SLC24A2: variants seen among roughly 807,000 people sequenced by gnomAD.
The protein encoded by SLC24A2 is solute carrier family 24 member 2, also known as sodium/potassium/calcium exchanger 2.
Under a neutral mutation model 62.0 loss-of-function variants are expected in SLC24A2, and 36 were observed. The ratio of observed to expected loss-of-function variants is 0.58; its 90% CI spans 0.44 to 0.77. SLC24A2 has a LOEUF of 0.77. Ranked by LOEUF, SLC24A2 falls within the 30% of genes least tolerant of loss-of-function variation. SLC24A2 has a pLI of 0.00. For synonymous variants in SLC24A2, 358 were observed against 294.0 expected, an observed-to-expected ratio of 1.22 and a Z score of -2.23; for missense variants, 846 against 817.9, an observed-to-expected ratio of 1.03 and a Z score of -0.42.
the SLC24A2 span, among the ~76,000 whole-genome samples, chr9:19,864,136 A>G: frequency 2.0e-5 from 3 of 152,066 alleles, no homozygotes; most frequent in African/African-American, 7.2e-5. Flanking sequence ...AACCATGAAG[A>G]AATCCAAAAC....
At chr9:20,089,212 C>T in the SLC24A2 span, among the ~76,000 whole-genome samples, 1 of 152,110 alleles carries the variant, frequency 6.6e-6, no homozygotes, top group African/African-American at 2.4e-5. Flanking sequence ...GTCTGGACCC[C>T]CAGCACAGAA....
chr9:19,879,598 A>G, the SLC24A2 span, among the ~76,000 whole-genome samples: 1 of 152,184 alleles, frequency 6.6e-6, no homozygotes, highest in African/African-American at 2.4e-5. Flanking sequence ...TAGTAGTATC[A>G]GAAAATATTC....
chr9:19,692,006 T>C (rs1334233140), intron 2 of SLC24A2, among the ~76,000 whole-genome samples: 1 of 152,166 alleles, frequency 6.6e-6, no homozygotes, highest in Non-Finnish European at 1.5e-5. Flanking sequence ...TGGTCAAATG[T>C]GGAGCTTTTA....
intron 2 of SLC24A2, among the ~76,000 whole-genome samples, chr9:19,691,537 C>A (rs187471578): frequency 3.0e-4 from 46 of 152,242 alleles, no homozygotes; most frequent in Non-Finnish European, 2.9e-5. Context: ...TGGGTTCTAT[C>A]TCTGCGATTA....
At chr9:19,719,780 G>T (rs917491362) in intron 2 of SLC24A2, among the ~76,000 whole-genome samples, 1 of 152,168 alleles carries the variant, frequency 6.6e-6, no homozygotes, top group African/African-American at 2.4e-5. Context: ...TTTATCTCAT[G>T]TTTTTATTTA....
intron 2 of SLC24A2, among the ~76,000 whole-genome samples, chr9:19,626,367 AT>A (rs1433000904): frequency 6.6e-6 from 1 of 152,222 alleles, no homozygotes; most frequent in East Asian, 1.9e-4. Flanking sequence ...CACATATCAA[AT>A]GGGTCACCAT....
At chr9:19,534,086 C>T (rs1408329692) in intron 8 of SLC24A2, among the ~76,000 whole-genome samples, 1 of 152,168 alleles carries the variant, frequency 6.6e-6, no homozygotes, top group Non-Finnish European at 1.5e-5. Flanking sequence ...AACCTTCTGA[C>T]CATTTATTCA....
At chr9:20,161,751 T>C in the SLC24A2 span, among the ~76,000 whole-genome samples, 2 of 109,226 alleles carry the variant, frequency 1.8e-5, no homozygotes, top group Non-Finnish European at 3.6e-5. Flanking sequence ...CATGAAAACA[T>C]GAAGATACAC....
the SLC24A2 span, among the ~76,000 whole-genome samples, chr9:19,811,625 T>C: frequency 5.3e-5 from 8 of 152,162 alleles, no homozygotes; most frequent in Non-Finnish European, 1.2e-4. Flanking sequence ...CTTTTATTTT[T>C]ACATTTATTT....
chr9:20,207,016 C>T, the SLC24A2 span, among the ~76,000 whole-genome samples: 1 of 152,120 alleles, frequency 6.6e-6, no homozygotes, highest in African/African-American at 2.4e-5. Flanking sequence ...CATGATTAAA[C>T]TCCTTGAGGG....
chr9:19,720,368 T>G (rs975816506), intron 2 of SLC24A2, among the ~76,000 whole-genome samples: 2 of 152,166 alleles, frequency 1.3e-5, no homozygotes, highest in African/African-American at 4.8e-5. Flanking sequence ...GACTTATTCT[T>G]AGAATCTACA....
chr9:20,289,343 C>A, the SLC24A2 span, among the ~76,000 whole-genome samples: 623 of 152,294 alleles, frequency 4.1e-3, 2 homozygotes, highest in African/African-American at 0.014. Flanking sequence ...CTCCACCTCA[C>A]ATGCAAGAAA....
the SLC24A2 span, among the ~76,000 whole-genome samples, chr9:20,041,119 GGA>G: frequency 7.2e-5 from 11 of 152,368 alleles, no homozygotes; most frequent in Admixed American, 3.3e-4. Context: ...ATGAGAATGA[GGA>G]GAGAGAAAGA....
At chr9:19,897,460 G>A in the SLC24A2 span, among the ~76,000 whole-genome samples, 394 of 152,082 alleles carry the variant, frequency 2.6e-3, 1 homozygote, top group Non-Finnish European at 4.2e-3. Flanking sequence ...AGCAAACCCA[G>A]AGCAATCACA....
At chr9:20,038,684 A>G in the SLC24A2 span, among the ~76,000 whole-genome samples, 1 of 152,180 alleles carries the variant, frequency 6.6e-6, no homozygotes, top group Non-Finnish European at 1.5e-5. Flanking sequence ...AATTAAACTA[A>G]AAGTCACAGT....
chr9:19,847,409 A>C, the SLC24A2 span, among the ~76,000 whole-genome samples: 1 of 152,310 alleles, frequency 6.6e-6, no homozygotes, highest in Non-Finnish European at 1.5e-5. Context: ...GGCTACCAAG[A>C]AGTTCAATGG....
the SLC24A2 span, among the ~76,000 whole-genome samples, chr9:20,272,839 A>G: frequency 1.3e-5 from 2 of 152,166 alleles, no homozygotes; most frequent in Non-Finnish European, 2.9e-5. Flanking sequence ...ATGCATGGGA[A>G]GCTGAAGCCA....
At chr9:20,018,040 G>A in the SLC24A2 span, among the ~76,000 whole-genome samples, 10 of 152,044 alleles carry the variant, frequency 6.6e-5, no homozygotes, top group East Asian at 1.2e-3. Context: ...TCCACCTCCC[G>A]GGTTCATGCC....
the SLC24A2 span, among the ~76,000 whole-genome samples, chr9:19,986,170 G>T: frequency 1.3e-5 from 2 of 151,852 alleles, no homozygotes; most frequent in South Asian, 2.1e-4. Flanking sequence ...ACCAATAAGC[G>T]CATGAAAAGA....
Sources: gnomAD v4.1 joint callset for allele counts (sites outside exome capture counted in the v4.1 genomes callset) on GRCh38, gnomAD v4.1.1 for gene constraint, MANE v1.5 for transcripts, NCBI Gene and HGNC (gene_info 2026-07-23, HGNC 2026-07-21) for gene names.